SNTG1: variants seen among roughly 807,000 people sequenced by gnomAD.
SNTG1 encodes the protein syntrophin gamma 1.
A neutral mutation model predicts 74.7 loss-of-function variants in SNTG1; 39 were observed. The observed-to-expected ratio is 0.52, with a 90% CI of 0.40 to 0.68. The LOEUF is 0.68. Ranked by LOEUF, SNTG1 falls within the 30% of genes least tolerant of loss-of-function variation. The pLI is 0.00. For synonymous variants in SNTG1, 254 were observed against 217.1 expected, an observed-to-expected ratio of 1.17 and a Z score of -1.49; for missense variants, 685 against 609.5, an observed-to-expected ratio of 1.12 and a Z score of -1.30.
intron 1 of SNTG1, among the ~76,000 whole-genome samples, chr8:50,019,083 A>G (rs201210582): frequency 6.6e-6 from 1 of 152,090 alleles, no homozygotes; most frequent in East Asian, 1.9e-4. Flanking sequence ...AGAAGAGAAG[A>G]TGAATGATTG....
rs146097070 is a variant in SNTG1 at position 50,706,185 on chromosome 8, C to T, written c.1191+1433C>T. Among the ~76,000 whole-genome samples, 505 of 152,166 alleles carry T rather than the reference C, an allele frequency of 3.3e-3. 1 individual carries two copies. The highest frequency in any genetic ancestry group is 5.8e-3 in the Non-Finnish European group (396 of 67,994). On this transcript the variant is annotated intron_variant, in intron 16 of 18. Transcript: ENST00000642720. Reference sequence around the variant, plus strand: ...GTTCAGTTGACTCTTTTCAATAACTCTGCTTTTATCTTCATGCACCTAAAA... The same window carrying T: ...GTTCAGTTGACTCTTTTCAATAACTTTGCTTTTATCTTCATGCACCTAAAA...
At chr8:50,707,435 C>T (rs540162760) in intron 16 of SNTG1, among the ~76,000 whole-genome samples, 1 of 151,828 alleles carries the variant, frequency 6.6e-6, no homozygotes, top group Non-Finnish European at 1.5e-5. Flanking sequence ...TTTTGAGGCC[C>T]ATTAAGTATG....
Position 50,739,767 on chromosome 8 carries a change from C to A in SNTG1, c.1285-12234C>A, listed in dbSNP as rs149837268. 7.5e-3 allele frequency among the ~76,000 whole-genome samples: 1,138 copies of A among 152,056 alleles called. 5 individuals are homozygous for A. Among genetic ancestry groups the A allele is most frequent in the Middle Eastern group, 0.014 (4 of 294 alleles). On this transcript the variant is annotated intron_variant, in intron 17 of 18. Transcript: ENST00000642720. Reference sequence around the variant, plus strand: ...TAACCAAAACAGCATGGCACTAGTTCAAAACCAGACACATATACCAGTGGA... The same window carrying A: ...TAACCAAAACAGCATGGCACTAGTTAAAAACCAGACACATATACCAGTGGA...
chr8:50,117,976 A>G (rs1318783604), intron 1 of SNTG1, among the ~76,000 whole-genome samples: 2 of 152,144 alleles, frequency 1.3e-5, no homozygotes, highest in Admixed American at 1.3e-4. Context: ...GCCCTGGGGA[A>G]GGGAAAGATG....
chr8:50,135,890 C>T (rs995451855), intron 1 of SNTG1, among the ~76,000 whole-genome samples: 1 of 152,052 alleles, frequency 6.6e-6, no homozygotes, highest in Admixed American at 6.6e-5. Flanking sequence ...TTTTTTGATC[C>T]TCACCCTCCT....
intron 2 of SNTG1, among the ~76,000 whole-genome samples, chr8:50,282,027 G>T (rs961474629): frequency 2.0e-5 from 3 of 152,074 alleles, no homozygotes; most frequent in African/African-American, 7.2e-5. Flanking sequence ...ATCAAAAACT[G>T]CCCAAATCCA....
intron 2 of SNTG1, among the ~76,000 whole-genome samples, chr8:50,182,708 CACT>C (rs2083248654): frequency 6.6e-6 from 1 of 151,958 alleles, no homozygotes; most frequent in Non-Finnish European, 1.5e-5. Context: ...CTTTTTTGGT[CACT>C]TCTTCCAGCT....
At chr8:50,044,574 G>A (rs1285201542) in intron 1 of SNTG1, among the ~76,000 whole-genome samples, 1 of 152,158 alleles carries the variant, frequency 6.6e-6, no homozygotes, top group Non-Finnish European at 1.5e-5. Context: ...ACTTCAGGAG[G>A]TGTGGCATGG....
At chr8:50,765,204 G>A (rs993550520) in intron 18 of SNTG1, among the ~76,000 whole-genome samples, 2 of 152,016 alleles carry the variant, frequency 1.3e-5, no homozygotes, top group East Asian at 1.9e-4. Context: ...GCTTATTACT[G>A]GGCCTTTGCA....
chr8:50,184,512 T>G (rs972159906), intron 2 of SNTG1, among the ~76,000 whole-genome samples: 1 of 152,212 alleles, frequency 6.6e-6, no homozygotes, highest in Non-Finnish European at 1.5e-5. Flanking sequence ...CCACTTATTT[T>G]GGTAGCTTCA....
chr8:50,707,941 G>A (rs961594321), intron 16 of SNTG1: 5 of 390,306 alleles, frequency 1.3e-5, no homozygotes, highest in East Asian at 3.6e-5. Flanking sequence ...AGTGGCTCAC[G>A]CCTGTAATCC....
intron 1 of SNTG1, among the ~76,000 whole-genome samples, chr8:50,125,991 GTC>G (rs1450247809): frequency 6.6e-6 from 1 of 152,122 alleles, no homozygotes; most frequent in Non-Finnish European, 1.5e-5. Flanking sequence ...AAGAAGAGCT[GTC>G]TCTGGTTGTG....
intron 2 of SNTG1, among the ~76,000 whole-genome samples, chr8:50,323,574 T>G (rs987293767): frequency 6.6e-6 from 1 of 152,158 alleles, no homozygotes; most frequent in Non-Finnish European, 1.5e-5. Context: ...TTGGAAAAGA[T>G]CCAGAAAAAT....
chr8:50,029,241 A>C (rs1817541566), intron 1 of SNTG1, among the ~76,000 whole-genome samples: 2 of 152,106 alleles, frequency 1.3e-5, no homozygotes, highest in Non-Finnish European at 2.9e-5. Context: ...ACAGGGTTAC[A>C]TGTGATGTTT....
chr8:50,403,824 A>T (rs1305669428), intron 4 of SNTG1, among the ~76,000 whole-genome samples: 1 of 152,320 alleles, frequency 6.6e-6, no homozygotes, highest in East Asian at 1.9e-4. Context: ...TTAATCTGAC[A>T]ACTGTCATCT....
intron 2 of SNTG1, among the ~76,000 whole-genome samples, chr8:50,353,771 A>G (rs2091738893): frequency 6.6e-6 from 1 of 152,240 alleles, no homozygotes; most frequent in Admixed American, 6.5e-5. Context: ...CACACTCATT[A>G]TGGTAGCAGG....
intron 1 of SNTG1, among the ~76,000 whole-genome samples, chr8:50,160,221 C>T (rs192637668): frequency 1.4e-3 from 211 of 152,194 alleles, no homozygotes; most frequent in African/African-American, 4.8e-3. Context: ...TAATACTCAC[C>T]TGGAGCCTTA....
chr8:50,154,124 C>G (rs561060237), intron 1 of SNTG1, among the ~76,000 whole-genome samples: 3 of 152,224 alleles, frequency 2.0e-5, no homozygotes, highest in Admixed American at 1.3e-4. Context: ...CCCCCAGCCT[C>G]GCTGCTGCCT....
At chr8:50,485,510 T>C (rs1431519772) in intron 8 of SNTG1, among the ~76,000 whole-genome samples, 1 of 152,054 alleles carries the variant, frequency 6.6e-6, no homozygotes, top group Non-Finnish European at 1.5e-5. Flanking sequence ...CACTTTTTGA[T>C]GGGGTTGTTT....
Sources: allele counts gnomAD v4.1 joint callset (sites outside exome capture counted in the v4.1 genomes callset), GRCh38; gene constraint gnomAD v4.1.1; transcripts MANE v1.5; gene names NCBI Gene and HGNC (gene_info 2026-07-23, HGNC 2026-07-21).